Variants in RAPGEF5 observed in about 807,000 individuals in gnomAD.
The protein encoded by RAPGEF5 is M-Ras-regulated GEF.
In RAPGEF5, 65 loss-of-function variants were observed where a neutral mutation model predicts 125.2. The ratio of observed to expected loss-of-function variants is 0.52; its 90% CI spans 0.43 to 0.64. RAPGEF5 has a LOEUF of 0.64. Ranked by LOEUF, RAPGEF5 falls within the 30% of genes least tolerant of loss-of-function variation. RAPGEF5 has a pLI of 0.00. For synonymous variants in RAPGEF5, 391 were observed against 385.9 expected (o/e 1.01, Z -0.16); for missense variants, 958 against 1,048.1 (o/e 0.91, Z 1.19).
intron 5 of RAPGEF5, among the ~76,000 whole-genome samples, chr7:22,295,594 T>C (rs959940281): frequency 6.6e-6 from 1 of 152,148 alleles, no homozygotes; most frequent in Non-Finnish European, 1.5e-5. Context: ...TTGAAGGACT[T>C]AGTGTTTCCT....
intron 7 of RAPGEF5, among the ~76,000 whole-genome samples, chr7:22,241,539 C>T (rs1046898858): frequency 2.0e-5 from 3 of 152,182 alleles, no homozygotes; most frequent in Non-Finnish European, 4.4e-5. Context: ...ATTATTCCTA[C>T]AATACTTCTT....
intron 1 of RAPGEF5, among the ~76,000 whole-genome samples, chr7:22,332,274 C>T (rs553681733): frequency 3.7e-4 from 57 of 152,316 alleles, no homozygotes; most frequent in East Asian, 7.7e-4. Context: ...TGTGCCTCCA[C>T]GCCCTGGGGA....
chr7:22,347,665 G>T (rs1483511998), intron 1 of RAPGEF5, among the ~76,000 whole-genome samples: 3 of 152,080 alleles, frequency 2.0e-5, no homozygotes, highest in Admixed American at 6.6e-5. Context: ...GCCTTCTTGG[G>T]TTCAAATTTG....
rs1240055652 is a variant in RAPGEF5 at position 22,121,139 on chromosome 7, C to T, written c.*1267G>A. On this transcript the variant is annotated 3_prime_UTR_variant, in exon 26 of 26. Coordinates refer to ENST00000665637, the MANE Select transcript of RAPGEF5 (RefSeq NM_012294.5). ...GGTTGAAAGAAATCCTCTAACCAGTCCTTGAAAATATCAAGAGGTCTTATT... is the reference window on the plus strand; with the variant it reads ...GGTTGAAAGAAATCCTCTAACCAGTTCTTGAAAATATCAAGAGGTCTTATT... 2 of 149,630 alleles carry T rather than the reference C, an allele frequency of 1.3e-5. No individual in the cohort carries two copies. The highest frequency in any genetic ancestry group is 3.0e-5 in the Non-Finnish European group (2 of 67,686). The allele number at this position is 149,630 out of a possible 1,614,324, so 9.3% of individuals were successfully genotyped here.
chr7:22,347,200 T>A (rs892714735), intron 1 of RAPGEF5, among the ~76,000 whole-genome samples: 1 of 152,186 alleles, frequency 6.6e-6, no homozygotes, highest in African/African-American at 2.4e-5. Flanking sequence ...TTAATGCTTT[T>A]TGTAGGAAAA....
At chr7:22,124,351 A>G (rs1032433388) in intron 25 of RAPGEF5, among the ~76,000 whole-genome samples, 3 of 152,246 alleles carry the variant, frequency 2.0e-5, no homozygotes, top group African/African-American at 4.8e-5. Flanking sequence ...TGATGTTATG[A>G]TTACTATTTT....
intron 5 of RAPGEF5, among the ~76,000 whole-genome samples, chr7:22,300,325 A>C (rs1361185844): frequency 6.6e-6 from 1 of 152,134 alleles, no homozygotes; most frequent in Non-Finnish European, 1.5e-5. Flanking sequence ...CTATTTCTTG[A>C]CTAACAACTT....
At chr7:22,144,901 G>T in intron 20 of RAPGEF5, 143 bp downstream of exon 20, 2 of 914,582 alleles carry the variant, frequency 2.2e-6, no homozygotes, top group Non-Finnish European at 1.6e-6. Flanking sequence ...ATTCAAAATT[G>T]GACATTTTCA....
chr7:22,154,328 T>C, intron 17 of RAPGEF5, 127 bp downstream of exon 17: 1 of 1,079,500 alleles, frequency 9.3e-7, no homozygotes. Flanking sequence ...CTTCTTATTG[T>C]TACTGTGGTC....
intron 9 of RAPGEF5, among the ~76,000 whole-genome samples, chr7:22,208,347 G>A (rs1015106724): frequency 1.3e-5 from 2 of 152,168 alleles, no homozygotes; most frequent in Non-Finnish European, 2.9e-5. Context: ...GTCACTGAAT[G>A]ACTACACTGG....
chr7:22,354,406 C>T (rs537350882), intron 1 of RAPGEF5, among the ~76,000 whole-genome samples: 1 of 152,302 alleles, frequency 6.6e-6, no homozygotes, highest in African/African-American at 2.4e-5. Context: ...AAGATCCAAG[C>T]CATGATTTGT....
chr7:22,320,562 T>C (rs1266495155), intron 1 of RAPGEF5, among the ~76,000 whole-genome samples: 1 of 152,138 alleles, frequency 6.6e-6, no homozygotes, highest in African/African-American at 2.4e-5. Flanking sequence ...AAAAGCACCC[T>C]TGAAAATGCA....
At chr7:22,171,856 G>A (rs994655993) in intron 11 of RAPGEF5, among the ~76,000 whole-genome samples, 1 of 152,038 alleles carries the variant, frequency 6.6e-6, no homozygotes, top group Non-Finnish European at 1.5e-5. Flanking sequence ...TAAATTATTG[G>A]CTTATCAATA....
At chr7:22,122,920 C>G (rs1381769136) in intron 25 of RAPGEF5, among the ~76,000 whole-genome samples, 2 of 152,150 alleles carry the variant, frequency 1.3e-5, no homozygotes, top group Non-Finnish European at 2.9e-5. Flanking sequence ...AAATGGCCAG[C>G]ACTGGGTCCT....
chr7:22,356,272 G>A, intron 1 of RAPGEF5: 1 of 984,570 alleles, frequency 1.0e-6, no homozygotes, highest in Non-Finnish European at 1.2e-6. Flanking sequence ...GGGTGTCCAG[G>A]AGTATTAAGT....
rs1314809744 is a variant in RAPGEF5 at position 22,193,966 on chromosome 7, A to T, written c.1064T>A (p.Val355Glu). ...TGTGGGGGCTGGGCCACAGCACTGCACTTTCTTCAGCACCAGGACGCTCTG... is the reference window on the plus strand; with the variant it reads ...TGTGGGGGCTGGGCCACAGCACTGCTCTTTCTTCAGCACCAGGACGCTCTG... ...QDQSVLVLKK[V>E]QCCGPAPTAG... The change falls in exon 10 of 26, where the codon GTG (valine) becomes GAG (glutamate). Residue 355 changes from valine to glutamate, a missense_variant. Transcript: ENST00000665637. The T allele has an allele frequency of 1.9e-6, 3 of 1,613,806 alleles. No homozygotes were observed. The Admixed American group carries it at 5.0e-5, about 27-fold the overall frequency.
At chr7:22,282,140 G>A (rs1440844968) in intron 6 of RAPGEF5, among the ~76,000 whole-genome samples, 6 of 151,838 alleles carry the variant, frequency 4.0e-5, no homozygotes, top group East Asian at 1.9e-4. Context: ...TTTTAAAACC[G>A]TAACTGAGCA....
chr7:22,124,519 T>G (rs982061687), intron 25 of RAPGEF5, among the ~76,000 whole-genome samples: 2 of 152,202 alleles, frequency 1.3e-5, no homozygotes, highest in Admixed American at 1.3e-4. Flanking sequence ...AGTTCCTAAC[T>G]TACTTTGTTG....
chr7:22,264,107 C>T (rs1480809766), intron 7 of RAPGEF5, among the ~76,000 whole-genome samples: 5 of 151,824 alleles, frequency 3.3e-5, no homozygotes, highest in Non-Finnish European at 7.4e-5. Flanking sequence ...TTTATTATTT[C>T]CTTATCATAA....
Sources: allele counts gnomAD v4.1 joint callset (sites outside exome capture counted in the v4.1 genomes callset), GRCh38; gene constraint gnomAD v4.1.1; transcripts MANE v1.5; gene names NCBI Gene and HGNC (gene_info 2026-07-23, HGNC 2026-07-21).